Variants in MCTP1 observed in about 807,000 individuals in gnomAD.
MCTP1 encodes multiple C2 and transmembrane domain containing 1, also known as multiple C2 and transmembrane domain-containing protein 1.
A neutral mutation model predicts 120.6 loss-of-function variants in MCTP1; 69 were observed. The ratio of observed to expected loss-of-function variants is 0.57; its 90% CI spans 0.47 to 0.70. The LOEUF (loss-of-function observed/expected upper bound fraction) is 0.70. MCTP1 is among the 30% of genes least tolerant of loss of function. The probability of loss-of-function intolerance (pLI) is 0.00; values close to 1 mark genes in which losing one functional copy is unlikely to be tolerated. For synonymous variants in MCTP1, 529 were observed against 493.1 expected, an observed-to-expected ratio of 1.07 and a Z score of -0.96; for missense variants, 1,203 against 1,248.8, an observed-to-expected ratio of 0.96 and a Z score of 0.55.
intron 11 of MCTP1, among the ~76,000 whole-genome samples, chr5:94,892,939 T>C (rs949648301): frequency 6.6e-6 from 1 of 152,184 alleles, no homozygotes; most frequent in Non-Finnish European, 1.5e-5. Context: ...TGAGTAAATA[T>C]AACAGATGTG....
At chr5:95,008,946 A>C (rs929308362) in intron 2 of MCTP1, among the ~76,000 whole-genome samples, 3 of 151,946 alleles carry the variant, frequency 2.0e-5, no homozygotes, top group Admixed American at 6.6e-5. Flanking sequence ...GGAGGATTCC[A>C]TGAACCCAGG....
intron 2 of MCTP1, among the ~76,000 whole-genome samples, chr5:94,996,328 T>C (rs1044319215): frequency 3.3e-5 from 5 of 152,206 alleles, no homozygotes; most frequent in Non-Finnish European, 7.4e-5. Flanking sequence ...TTAGAATAAG[T>C]CATGCCTTTG....
At chr5:94,720,114 G>A (rs1760539343) in intron 19 of MCTP1, among the ~76,000 whole-genome samples, 2 of 151,054 alleles carry the variant, frequency 1.3e-5, no homozygotes, top group Admixed American at 1.3e-4. Flanking sequence ...CAACAAGAGC[G>A]AAACTCCTCT....
chr5:94,825,409 T>C (rs1040280872), intron 17 of MCTP1, among the ~76,000 whole-genome samples: 4 of 152,184 alleles, frequency 2.6e-5, no homozygotes, highest in Admixed American at 6.5e-5. Context: ...GAGGGACTGT[T>C]TGTTATGAAT....
intron 1 of MCTP1, among the ~76,000 whole-genome samples, chr5:95,065,304 C>G (rs890165896): frequency 2.0e-5 from 3 of 150,422 alleles, no homozygotes; most frequent in Non-Finnish European, 4.4e-5. Context: ...ATGAAGATTG[C>G]AAGAAAAGAA....
At chr5:94,931,716 T>C (rs1814734327) in intron 6 of MCTP1, 1 of 485,214 alleles carries the variant, frequency 2.1e-6, no homozygotes, top group Non-Finnish European at 3.6e-6. Flanking sequence ...TGAGACCAGA[T>C]GCTGAGAATG....
intron 1 of MCTP1, among the ~76,000 whole-genome samples, chr5:95,133,652 C>A (rs892244196): frequency 1.3e-5 from 2 of 152,172 alleles, no homozygotes; most frequent in Non-Finnish European, 2.9e-5. Context: ...AAGATTCCAT[C>A]TCAAAAAATA....
intron 19 of MCTP1, among the ~76,000 whole-genome samples, chr5:94,776,645 A>G (rs1003324998): frequency 6.6e-6 from 1 of 151,994 alleles, no homozygotes; most frequent in Non-Finnish European, 1.5e-5. Context: ...ACCTGACCTT[A>G]CTATTATACC....
intron 17 of MCTP1, among the ~76,000 whole-genome samples, chr5:94,823,620 T>C (rs537684540): frequency 1.3e-5 from 2 of 152,372 alleles, no homozygotes; most frequent in East Asian, 3.9e-4. Flanking sequence ...ATTGAATCTA[T>C]AAATCACTTT....
chr5:94,883,456 T>C (rs1436712141), intron 12 of MCTP1, among the ~76,000 whole-genome samples: 1 of 152,176 alleles, frequency 6.6e-6, no homozygotes, highest in Non-Finnish European at 1.5e-5. Context: ...TCAAGCAATA[T>C]AATTTTCAGA....
intron 1 of MCTP1, among the ~76,000 whole-genome samples, chr5:95,177,095 G>A (rs1350821317): frequency 1.3e-5 from 2 of 151,194 alleles, no homozygotes; most frequent in Middle Eastern, 6.9e-3. Context: ...ATATATTAGG[G>A]TTATCCGGAG....
In MCTP1 at chr5:94,952,171, C is replaced by CAAAAAAAAAAA. The variant is rs57358026; in HGVS notation, c.981+1037_981+1047dup. 5.9e-3 allele frequency among the ~76,000 whole-genome samples: 519 copies of CAAAAAAAAAAA among 87,796 alleles called. 60 individuals carry two copies. Among genetic ancestry groups the CAAAAAAAAAAA allele is most frequent in the Admixed American group, 0.016 (122 of 7,590 alleles). The allele number at this position is 87,796 out of a possible 152,430, so 57.6% of individuals were successfully genotyped here. On this transcript the variant is annotated intron_variant, in intron 3 of 22. Transcript: ENST00000515393. Reference sequence around the variant, plus strand: ...TGGGTGACAGAATGAGACTTTGTCGCAAAAAAAAAAAAAAAAAAAAAAGCT... The same window carrying CAAAAAAAAAAA: ...TGGGTGACAGAATGAGACTTTGTCGCAAAAAAAAAAAAAAAAAAAAAAAAAAAAAAAAAGCT...
At chr5:94,931,718 C>T in intron 6 of MCTP1, 4 of 486,404 alleles carry the variant, frequency 8.2e-6, no homozygotes, top group South Asian at 3.1e-5. Flanking sequence ...AGACCAGATG[C>T]TGAGAATGAT....
intron 1 of MCTP1, among the ~76,000 whole-genome samples, chr5:95,199,486 T>A (rs12516163): frequency 0.039 from 5,929 of 152,178 alleles, 139 homozygotes; most frequent in Middle Eastern, 0.051. Context: ...ATGCTCAATA[T>A]CACCAATCAG....
At chr5:94,848,693 A>C (rs1212139803) in intron 17 of MCTP1, among the ~76,000 whole-genome samples, 1 of 152,100 alleles carries the variant, frequency 6.6e-6, no homozygotes, top group Non-Finnish European at 1.5e-5. Context: ...TGCTGATGAC[A>C]TACAATTTCT....
At position 94,714,872 on chromosome 5, in the gene MCTP1, C is replaced by A; in HGVS notation, c.2625G>T (p.Lys875Asn). 1 of 1,601,318 alleles carries A rather than the reference C, an allele frequency of 6.2e-7. No homozygotes were observed. ...DDKDDKDSEKKGFINKIYAIQ... is the reference protein window; with the variant it reads ...DDKDDKDSEKNGFINKIYAIQ... ...TGGCATAGATTTTATTTATAAATCCCTTTTTTTCACTGTCCTAAAATGCAA... is the reference window on the plus strand; with the variant it reads ...TGGCATAGATTTTATTTATAAATCCATTTTTTTCACTGTCCTAAAATGCAA... Residue 875 changes from lysine (K) to asparagine (N), a missense_variant, in exon 20 of 23, where the codon AAG becomes AAT. Coordinates refer to ENST00000515393, the MANE Select transcript of MCTP1 (RefSeq NM_024717.7).
chr5:94,779,037 A>G (rs1181954115), intron 19 of MCTP1, 73 bp downstream of exon 19: 8 of 1,359,530 alleles, frequency 5.9e-6, no homozygotes, highest in Non-Finnish European at 8.4e-6. Context: ...TCCTTTTTTA[A>G]CTGTCTGTGA....
At chr5:94,838,408 A>G (rs1790275285) in intron 17 of MCTP1, among the ~76,000 whole-genome samples, 1 of 152,234 alleles carries the variant, frequency 6.6e-6, no homozygotes, top group Non-Finnish European at 1.5e-5. Context: ...AAAATGTCTC[A>G]ACTGCAAATT....
rs557830241 is a variant in MCTP1 at position 94,711,295 on chromosome 5, C to T, written c.2721-368G>A. Among the ~76,000 whole-genome samples the T allele has an allele frequency of 3.3e-5, 5 of 152,230 alleles. No individual in the cohort carries two copies. In the East Asian group the frequency reaches 9.7e-4, roughly 29 times the overall value. On this transcript the variant is annotated intron_variant, in intron 20 of 22. Transcript: ENST00000515393. ...TCTGGCTTTTCAGAGGGGAATGCCC[C>T]TGGACCCACCATTCTTCCTTCTATC...
Sources: gnomAD v4.1 joint callset for allele counts (sites outside exome capture counted in the v4.1 genomes callset) on GRCh38, gnomAD v4.1.1 for gene constraint, MANE v1.5 for transcripts, NCBI Gene and HGNC (gene_info 2026-07-23, HGNC 2026-07-21) for gene names.